The following ZFP1 variants were observed in gnomAD, a reference collection of about 807,000 sequenced individuals.
ZFP1 encodes the protein zinc finger protein 1 homolog.
In ZFP1, 32 loss-of-function variants were observed where a neutral mutation model predicts 38.5. The ratio of observed to expected loss-of-function variants is 0.83; its 90% CI spans 0.63 to 1.12. ZFP1 has a LOEUF of 1.12. ZFP1 is among the 50% of genes most tolerant of loss of function. The pLI is 0.00. For synonymous variants in ZFP1, 245 were observed against 168.8 expected, an observed-to-expected ratio of 1.45 and a Z score of -3.50; for missense variants, 616 against 480.8, an observed-to-expected ratio of 1.28 and a Z score of -2.63.
chr16:75,129,829 AGAGGCATAAGGCAGAAG>A, the ZFP1 span, among the ~76,000 whole-genome samples: 1 of 152,198 alleles, frequency 6.6e-6, no homozygotes, highest in East Asian at 1.9e-4. Flanking sequence ...TGGGGTTCAC[AGAGGCATAAGGCAGAAG>A]GAGAGACCAA....
At chr16:75,152,209 T>C (rs575562144) in intron 1 of ZFP1, among the ~76,000 whole-genome samples, 2 of 152,306 alleles carry the variant, frequency 1.3e-5, no homozygotes, top group African/African-American at 4.8e-5. Context: ...TTTGGTATTT[T>C]CCCTGTTTGG....
At chr16:75,169,168 T>G in intron 3 of ZFP1, 85 bp from the exon 4 acceptor site, 2 of 1,466,648 alleles carry the variant, frequency 1.4e-6, no homozygotes, top group Non-Finnish European at 1.8e-6. Context: ...AGCCCTGTGA[T>G]AGAACACGTG....
In ZFP1 at chr16:75,153,830, G is replaced by A. The variant is rs112226241; in HGVS notation, c.15+864G>A. 6.6e-5 allele frequency among the ~76,000 whole-genome samples: 10 copies of A among 152,184 alleles called. No homozygotes were observed. The South Asian group carries it at 8.3e-4, about 13-fold the overall frequency. ...ATAGGTTCACTGCCCTGAAAATCCC[G>A]TGCTCCGCCTATGCACCTCTCCCTC... On this transcript the variant is annotated intron_variant, in intron 2 of 3. Transcript: ENST00000570010.
chr16:75,153,389 C>T (rs2037304078), intron 2 of ZFP1, among the ~76,000 whole-genome samples: 1 of 152,002 alleles, frequency 6.6e-6, no homozygotes, highest in Non-Finnish European at 1.5e-5. Flanking sequence ...TATTTAAATC[C>T]CTCCACCCCA....
At chr16:75,166,561 A>AT in intron 2 of ZFP1, 1 of 985,302 alleles carries the variant, frequency 1.0e-6, no homozygotes, top group African/African-American at 1.7e-5. Flanking sequence ...ACACCTATCA[A>AT]ATATGACAGT....
chr16:75,140,684 G>A, the ZFP1 span, among the ~76,000 whole-genome samples: 1 of 152,208 alleles, frequency 6.6e-6, no homozygotes, highest in Non-Finnish European at 1.5e-5. Context: ...GGGAGGCCGG[G>A]CACGGTGGCT....
At chr16:75,121,777 AAAG>A in the ZFP1 span, among the ~76,000 whole-genome samples, 1 of 152,252 alleles carries the variant, frequency 6.6e-6, no homozygotes, top group Non-Finnish European at 1.5e-5. Context: ...TATCAGGAAA[AAAG>A]ACTCGTCAAA....
Position 75,152,841 on chromosome 16 carries a change from G to C in ZFP1, c.-43-68G>C, listed in dbSNP as rs183438287. On this transcript the variant is annotated intron_variant, in intron 1 of 3. Transcript: ENST00000570010. ...GTGGTCTCTAGGGGTTTCTAAACAA[G>C]TCATTCTAGGAGTTGTAAGGCAGGT... The C allele has an allele frequency of 4.3e-3, 6,208 of 1,452,290 alleles. 18 individuals are homozygous for C. Among genetic ancestry groups the C allele is most frequent in the Non-Finnish European group, 5.5e-3 (5,773 of 1,059,038 alleles). 90.0% of individuals were successfully genotyped at this position (1,452,290 alleles called of 1,614,324 possible). A position where few individuals can be genotyped will look rare whatever the true frequency, so the allele number is the denominator to read the frequency against.
chr16:75,143,179 A>G, the ZFP1 span, among the ~76,000 whole-genome samples: 1 of 152,208 alleles, frequency 6.6e-6, no homozygotes, highest in Non-Finnish European at 1.5e-5. Flanking sequence ...ATAGAGGGGA[A>G]ATGTATATAT....
At chr16:75,163,472 C>G (rs1016739169) in intron 2 of ZFP1, among the ~76,000 whole-genome samples, 1 of 151,782 alleles carries the variant, frequency 6.6e-6, no homozygotes, top group Non-Finnish European at 1.5e-5. Flanking sequence ...CCACCATGCC[C>G]GGCTAATTTT....
chr16:75,124,895 G>C, the ZFP1 span, among the ~76,000 whole-genome samples: 1 of 107,338 alleles, frequency 9.3e-6, no homozygotes, highest in Non-Finnish European at 1.8e-5. Flanking sequence ...AAAGCTTAAA[G>C]AGAAATAATT....
At chr16:75,124,095 A>C in the ZFP1 span, among the ~76,000 whole-genome samples, 2 of 151,890 alleles carry the variant, frequency 1.3e-5, no homozygotes, top group African/African-American at 4.8e-5. Flanking sequence ...CTCCATCTCA[A>C]AAAAAGTAAA....
At chr16:75,120,734 T>A in the ZFP1 span, among the ~76,000 whole-genome samples, 3 of 152,102 alleles carry the variant, frequency 2.0e-5, no homozygotes, top group Non-Finnish European at 4.4e-5. Context: ...CCCAAGTAGC[T>A]GGGACTACAA....
At position 75,172,181 on chromosome 16, in the gene ZFP1, G is replaced by T. The variant is rs772957993; in HGVS notation, c.*1847G>T. The T allele has an allele frequency of 5.3e-5, 8 of 152,226 alleles. No individual in the cohort carries two copies. Among genetic ancestry groups the T allele is most frequent in the Non-Finnish European group, 1.2e-4 (8 of 68,048 alleles). The allele number at this position is 152,226 out of a possible 1,614,324, so 9.4% of individuals were successfully genotyped here. A position where few individuals can be genotyped will look rare whatever the true frequency, so the allele number is the denominator to read the frequency against. ...AATGAGGAAAGCAAGAGGGGAGAGA[G>T]AGAGTGTATGTGTGTGTGTAGCAGT... On this transcript the variant is annotated 3_prime_UTR_variant, in exon 4 of 4. Transcript: ENST00000570010.
intron 2 of ZFP1, among the ~76,000 whole-genome samples, chr16:75,163,306 G>GTT (rs1019154339): frequency 6.7e-6 from 1 of 150,360 alleles, no homozygotes; most frequent in South Asian, 2.1e-4. Flanking sequence ...TGTTTTTTTT[G>GTT]TTTTGTTTTG....
At chr16:75,154,911 C>T (rs2037397390) in intron 2 of ZFP1, among the ~76,000 whole-genome samples, 1 of 152,106 alleles carries the variant, frequency 6.6e-6, no homozygotes, top group South Asian at 2.1e-4. Flanking sequence ...GATTCTCCTG[C>T]CTCAGCCTCC....
chr16:75,132,732 C>G, the ZFP1 span: 23 of 149,078 alleles, frequency 1.5e-4, no homozygotes, highest in African/African-American at 5.2e-4. Flanking sequence ...TCTCGGCTCG[C>G]TGCAACCTCT....
Position 75,171,586 on chromosome 16 carries a change from CAA to C in ZFP1, c.*1254_*1255del, listed in dbSNP as rs1240168186. ...TATTAACAAGAATTGTTGTGTAACT[CAA>C]AGATTTGCTTTTATAGACTTGATTT... On this transcript the variant is annotated 3_prime_UTR_variant, in exon 4 of 4. Coordinates refer to ENST00000570010, the MANE Select transcript of ZFP1 (RefSeq NM_153688.4). The C allele has an allele frequency of 6.6e-6, 1 of 152,144 alleles. No homozygotes were observed. The highest frequency in any genetic ancestry group is 1.5e-5 in the Non-Finnish European group (1 of 68,030). 9.4% of individuals were successfully genotyped at this position (152,144 alleles called of 1,614,324 possible).
intron 3 of ZFP1, among the ~76,000 whole-genome samples, chr16:75,168,282 A>C (rs1042409874): frequency 1.3e-5 from 2 of 152,206 alleles, no homozygotes. Context: ...TAGCCTTGCC[A>C]GTATCTGTTG....
Sources: allele counts gnomAD v4.1 joint callset (sites outside exome capture counted in the v4.1 genomes callset), GRCh38; gene constraint gnomAD v4.1.1; transcripts MANE v1.5; gene names NCBI Gene and HGNC (gene_info 2026-07-23, HGNC 2026-07-21).